Variants in DAB2IP observed in about 807,000 individuals in gnomAD.
The protein encoded by DAB2IP is disabled homolog 2-interacting protein.
A neutral mutation model predicts 107.2 loss-of-function variants in DAB2IP; 28 were observed. The ratio of observed to expected loss-of-function variants is 0.26; its 90% CI spans 0.19 to 0.36. The LOEUF (loss-of-function observed/expected upper bound fraction) is 0.36. Among genes scored for constraint, DAB2IP ranks in the 10% least tolerant of loss-of-function variants. The probability of loss-of-function intolerance (pLI) is 1.00; values close to 1 mark genes in which losing one functional copy is unlikely to be tolerated. For synonymous variants in DAB2IP, 755 were observed against 706.4 expected, an observed-to-expected ratio of 1.07 and a Z score of -1.09; for missense variants, 1,400 against 1,644.7, an observed-to-expected ratio of 0.85 and a Z score of 2.57.
At chr9:121,738,708 T>C (rs765284211) in intron 3 of DAB2IP, among the ~76,000 whole-genome samples, 15 of 152,230 alleles carry the variant, frequency 9.9e-5, no homozygotes, top group Non-Finnish European at 1.8e-4. Context: ...AGAGACGCCA[T>C]GGGAGGCATT....
chr9:121,706,556 A>G (rs1830066761), intron 3 of DAB2IP, among the ~76,000 whole-genome samples: 1 of 152,030 alleles, frequency 6.6e-6, no homozygotes, highest in African/African-American at 2.4e-5. Flanking sequence ...CCTCTGTGTG[A>G]CTATGGGCAA....
rs918876708 is a variant in DAB2IP at position 121,633,390 on chromosome 9, CT to C, written c.41-45287del. 1.8e-4 allele frequency among the ~76,000 whole-genome samples: 28 copies of C among 152,148 alleles called. No homozygotes were observed. The highest frequency in any genetic ancestry group is 4.8e-4 in the African/African-American group (20 of 41,442). On this transcript the variant is annotated intron_variant, in intron 1 of 16. Coordinates refer to the DAB2IP transcript ENST00000259371. The surrounding 1 kb of genome is among the most constrained non-coding windows in gnomAD (Gnocchi z 5.1). ...TCTTTGCCCACTGACCCCACCCCCC[CT>C]ACCAAACCACCTCTGCTGCAAACAG... is the stretch of plus-strand genomic sequence containing the variant.
intron 1 of DAB2IP, among the ~76,000 whole-genome samples, chr9:121,666,679 G>A (rs1166664071): frequency 6.6e-6 from 1 of 152,066 alleles, no homozygotes; most frequent in East Asian, 1.9e-4. Flanking sequence ...ACAGGTTGAT[G>A]GGTGCAGCAA....
At chr9:121,647,311 T>C (rs924417524), upstream of DAB2IP, among the ~76,000 whole-genome samples, 2 of 152,226 alleles carry the variant, frequency 1.3e-5, no homozygotes, top group Admixed American at 6.5e-5. Context: ...GTCTTAAGAT[T>C]GGAGGAAACA....
exon 11 of DAB2IP, chr9:121,770,641 T>A (rs1429193595): frequency 1.2e-6 from 2 of 1,614,108 alleles, no homozygotes; most frequent in African/African-American, 1.3e-5. Flanking sequence ...CAGGGACCAA[T>A]GACCTGGCCT....
intron 1 of DAB2IP, among the ~76,000 whole-genome samples, chr9:121,583,347 C>T (rs1374875704): frequency 3.3e-5 from 5 of 152,124 alleles, no homozygotes; most frequent in Non-Finnish European, 7.4e-5. Context: ...GTTGAGATCA[C>T]ACCGCTGCAC....
exon 16 of DAB2IP, chr9:121,784,075 C>T (rs1210216234): frequency 1.2e-5 from 2 of 163,014 alleles, no homozygotes; most frequent in East Asian, 1.7e-4. Context: ...ACCCTGAGCT[C>T]GGGGACAGGT....
intron 3 of DAB2IP, chr9:121,743,063 C>A: frequency 1.1e-6 from 1 of 919,422 alleles, no homozygotes; most frequent in Non-Finnish European, 1.3e-6. Context: ...AATACTCTGG[C>A]TGGGATGGAC....
exon 4 of DAB2IP, chr9:121,757,128 G>C: frequency 6.2e-7 from 1 of 1,614,182 alleles, no homozygotes; most frequent in East Asian, 2.2e-5. Flanking sequence ...CATCAAGCCC[G>C]TGCACAGCAG....
At chr9:121,752,574 G>A (rs754653470) in intron 3 of DAB2IP, among the ~76,000 whole-genome samples, 1 of 152,244 alleles carries the variant, frequency 6.6e-6, no homozygotes, top group Non-Finnish European at 1.5e-5. Context: ...CTGAAGGTTG[G>A]GTAGGAAGGG....
intron 4 of DAB2IP, among the ~76,000 whole-genome samples, chr9:121,758,002 T>C (rs1000689337): frequency 6.6e-6 from 1 of 152,244 alleles, no homozygotes; most frequent in African/African-American, 2.4e-5. Flanking sequence ...CTGTGCCCAC[T>C]GGGGACCATT....
At chr9:121,765,103 T>G (rs1049477693) in intron 8 of DAB2IP, among the ~76,000 whole-genome samples, 1 of 152,168 alleles carries the variant, frequency 6.6e-6, no homozygotes, top group Non-Finnish European at 1.5e-5. Context: ...GGGCCACAAA[T>G]GTGCAGCTTT....
At chr9:121,711,009 T>A (rs865966732) in intron 3 of DAB2IP, among the ~76,000 whole-genome samples, 1 of 152,144 alleles carries the variant, frequency 6.6e-6, no homozygotes, top group African/African-American at 2.4e-5. Context: ...AGTCCACGAA[T>A]TTGATGGTTG....
chr9:121,630,808 A>C (rs1287763681), intron 1 of DAB2IP, among the ~76,000 whole-genome samples: 1 of 151,880 alleles, frequency 6.6e-6, no homozygotes, highest in Non-Finnish European at 1.5e-5. Flanking sequence ...GGGTTTCACC[A>C]TGTTGGCCAG....
In DAB2IP at chr9:121,723,109, C is replaced by T. The variant is rs140673441; in HGVS notation, c.362+23651C>T. On this transcript the variant is annotated intron_variant, in intron 3 of 15. Transcript: ENST00000408936. The stretch of plus-strand genomic sequence containing the variant: ...CCAGAGCCCTCTCTCCCAGCACCCA[C>T]AGCCTTTAGTCCCATAGCTATGGTG... 5.1e-3 allele frequency among the ~76,000 whole-genome samples: 783 copies of T among 152,360 alleles called. 12 individuals carry two copies. Among genetic ancestry groups the T allele is most frequent in the African/African-American group, 0.018 (757 of 41,580 alleles).
At chr9:121,640,310 T>C (rs1377281131) in intron 1 of DAB2IP, among the ~76,000 whole-genome samples, 1 of 151,778 alleles carries the variant, frequency 6.6e-6, no homozygotes, top group African/African-American at 2.4e-5. Context: ...GAGAGGTAGG[T>C]GTGGGCCTGG....
chr9:121,621,607 T>TATCATG (rs1182513244), intron 1 of DAB2IP, among the ~76,000 whole-genome samples: 12 of 151,904 alleles, frequency 7.9e-5, no homozygotes, highest in Non-Finnish European at 8.8e-5. Flanking sequence ...CCCATCAGAA[T>TATCATG]ATCATGGCTG....
At chr9:121,763,445 C>G in intron 6 of DAB2IP, 60 bp from the exon 7 acceptor site, 1 of 1,555,456 alleles carries the variant, frequency 6.4e-7, no homozygotes, top group Non-Finnish European at 8.7e-7. Flanking sequence ...GTCTGGAATC[C>G]TAGGGCCCTC....
rs151122611 is a variant in DAB2IP at position 121,774,295 on chromosome 9, C to T, written c.3003C>T (p.Arg1001=). 207 of 1,613,514 alleles carry T rather than the reference C, an allele frequency of 1.3e-4. No homozygotes were observed. In the African/African-American group the frequency reaches 2.5e-3, roughly 20 times the overall value. The change falls in exon 13 of 16, where the codon CGC becomes CGT. Residue 1001 remains arginine (R), a synonymous_variant. Coordinates refer to ENST00000408936, the Ensembl canonical transcript of DAB2IP. ...CTGTGAGCCCCAATGCCCTGGACCG[C>T]ACAGCCGCTTGGCTCTTGACCATGA... is the stretch of plus-strand genomic sequence containing the variant.
Sources: gnomAD v4.1 joint callset for allele counts (sites outside exome capture counted in the v4.1 genomes callset) on GRCh38, gnomAD v4.1.1 for gene constraint, Gnocchi (gnomAD v3.1) non-coding constraint, MANE v1.5 for transcripts, NCBI Gene and HGNC (gene_info 2026-07-23, HGNC 2026-07-21) for gene names.